The following PTPRN2 variants were observed in gnomAD, a reference collection of about 807,000 sequenced individuals.
PTPRN2 encodes protein tyrosine phosphatase receptor type N2.
A neutral mutation model predicts 118.8 loss-of-function variants in PTPRN2; 74 were observed. That is an observed-to-expected ratio of 0.62 (90% CI 0.52 to 0.76). The LOEUF (loss-of-function observed/expected upper bound fraction) is 0.76. Ranked by LOEUF, PTPRN2 falls within the 30% of genes least tolerant of loss-of-function variation. The pLI, the probability that PTPRN2 is intolerant of heterozygous loss-of-function variation, is 0.00. For missense variants in PTPRN2, 1,481 were observed against 1,394.4 expected (o/e 1.06, Z -0.99); for synonymous variants, 641 against 608.0 (o/e 1.05, Z -0.80).
At chr7:158,423,514 CAGA>C in intron 2 of PTPRN2, among the ~76,000 whole-genome samples, 1 of 151,026 alleles carries the variant, frequency 6.6e-6, no homozygotes, top group South Asian at 2.1e-4. Context: ...GAAGAGGTCT[CAGA>C]GATTAGCCCC....
At chr7:158,369,968 G>T (rs922104129) in intron 2 of PTPRN2, among the ~76,000 whole-genome samples, 3 of 152,192 alleles carry the variant, frequency 2.0e-5, no homozygotes, top group Non-Finnish European at 4.4e-5. Flanking sequence ...CGGGCAGGAG[G>T]CCCAGTCAGA....
rs1823020826 is a variant in PTPRN2 at position 158,509,474 on chromosome 7, G to A, written c.113-19689C>T. On this transcript the variant is annotated intron_variant, in intron 1 of 22. Transcript: ENST00000389418. The surrounding 1 kb of genome is among the most constrained non-coding windows in gnomAD (Gnocchi z 4.4). ...TCCTGGCATCAAGTCTGCCATTCAG[G>A]CCACACTGGGACTTGGTGTCCAGTC... is the stretch of plus-strand genomic sequence containing the variant. 6.6e-6 allele frequency among the ~76,000 whole-genome samples: 1 copy of A among 152,190 alleles called. No individual in the cohort carries two copies. The highest frequency in any genetic ancestry group is 2.1e-4 in the South Asian group (1 of 4,832).
At chr7:157,905,910 T>A (rs1017942632) in intron 11 of PTPRN2, among the ~76,000 whole-genome samples, 4 of 152,176 alleles carry the variant, frequency 2.6e-5, no homozygotes, top group African/African-American at 7.2e-5. Flanking sequence ...GCCTGGTTTC[T>A]GGCCGAGCTG....
At chr7:158,037,805 T>C (rs1808189884) in intron 11 of PTPRN2, among the ~76,000 whole-genome samples, 1 of 152,186 alleles carries the variant, frequency 6.6e-6, no homozygotes, top group Non-Finnish European at 1.5e-5. Flanking sequence ...GACATGTAGA[T>C]AATTTGGGGA....
chr7:158,288,430 T>C (rs973805436), intron 3 of PTPRN2, among the ~76,000 whole-genome samples: 2 of 152,200 alleles, frequency 1.3e-5, no homozygotes, highest in African/African-American at 4.8e-5. Flanking sequence ...CTTTGATTCC[T>C]TACTTTCTAT....
At chr7:157,561,992 G>A (rs1346047790) in intron 21 of PTPRN2, among the ~76,000 whole-genome samples, 1 of 152,216 alleles carries the variant, frequency 6.6e-6, no homozygotes, top group Non-Finnish European at 1.5e-5. Flanking sequence ...AGAAGGAATG[G>A]ACCAGTGGGA....
chr7:158,140,794 G>A (rs916012042), intron 6 of PTPRN2, among the ~76,000 whole-genome samples: 89 of 152,292 alleles, frequency 5.8e-4, no homozygotes, highest in African/African-American at 1.8e-3. Flanking sequence ...TGCGCATCTC[G>A]CCGTGTGTAT....
chr7:158,397,872 A>G (rs1658084162), intron 2 of PTPRN2, among the ~76,000 whole-genome samples: 1 of 117,456 alleles, frequency 8.5e-6, no homozygotes, highest in Admixed American at 1.0e-4. Context: ...GCAGGGTGCC[A>G]CGGCCTGACA....
intron 3 of PTPRN2, among the ~76,000 whole-genome samples, chr7:158,281,834 C>T (rs1435499157): frequency 1.3e-5 from 2 of 152,248 alleles, no homozygotes; most frequent in African/African-American, 4.8e-5. Flanking sequence ...AGAATAAACC[C>T]TGCTAGTTCT....
Position 157,690,210 on chromosome 7 carries a change from C to T in PTPRN2, c.1789-7273G>A, listed in dbSNP as rs1007625896. ...TCCAAATCTGTGCGCTCAGAAGGAG[C>T]TGCCCTTTGCCCGCTCCTCCTCACA... is the stretch of plus-strand genomic sequence containing the variant. On this transcript the variant is annotated intron_variant, in intron 12 of 22. Transcript: ENST00000389418. This position sits in a 1 kb window ranked among gnomAD's most constrained non-coding sequence, Gnocchi z 7.1. 6.6e-6 allele frequency among the ~76,000 whole-genome samples: 1 copy of T among 152,204 alleles called. No homozygotes were observed.
At chr7:158,562,103 G>T (rs1375624047) in intron 1 of PTPRN2, among the ~76,000 whole-genome samples, 1 of 152,220 alleles carries the variant, frequency 6.6e-6, no homozygotes, top group Non-Finnish European at 1.5e-5. Context: ...AACTGTAACA[G>T]AATGCCACAG....
At chr7:157,998,589 G>A (rs958106089) in intron 11 of PTPRN2, among the ~76,000 whole-genome samples, 5 of 152,094 alleles carry the variant, frequency 3.3e-5, no homozygotes, top group African/African-American at 9.7e-5. Flanking sequence ...TTAGGAGGCC[G>A]AGGCAAGTGG....
rs1339907709 is a variant in PTPRN2 at position 158,525,001 on chromosome 7, G to A, written c.113-35216C>T. ...ACCTGTGCCAGCATCACTGCCCTTC[G>A]AAGTGTGGCCCCAGCAGCGGTCTCC... On this transcript the variant is annotated intron_variant, in intron 1 of 22. Transcript: ENST00000389418. The surrounding 1 kb of genome is among the most constrained non-coding windows in gnomAD (Gnocchi z 4.1). Among the ~76,000 whole-genome samples the A allele has an allele frequency of 1.3e-5, 2 of 152,130 alleles. No individual in the cohort carries two copies. The highest frequency in any genetic ancestry group is 4.8e-5 in the African/African-American group (2 of 41,420).
chr7:157,876,949 C>G (rs939172477), intron 12 of PTPRN2, among the ~76,000 whole-genome samples: 2 of 152,188 alleles, frequency 1.3e-5, no homozygotes, highest in Non-Finnish European at 2.9e-5. Flanking sequence ...TGGACGGCCT[C>G]GCTAGCCTTT....
chr7:158,514,908 G>A (rs981962708), intron 1 of PTPRN2, among the ~76,000 whole-genome samples: 3 of 152,102 alleles, frequency 2.0e-5, no homozygotes, highest in Non-Finnish European at 2.9e-5. Context: ...TCCTGGACCC[G>A]CTCTCTCAGG....
Position 158,376,706 on chromosome 7 carries a change from G to T in PTPRN2, c.164-59774C>A, listed in dbSNP as rs112346275. Among the ~76,000 whole-genome samples, 181 of 120,960 alleles carry T rather than the reference G, an allele frequency of 1.5e-3. 1 individual carries two copies. The highest frequency in any genetic ancestry group is 5.9e-3 in the African/African-American group (169 of 28,614). 79.4% of individuals were successfully genotyped at this position (120,960 alleles called of 152,430 possible). On this transcript the variant is annotated intron_variant, in intron 2 of 22. Transcript: ENST00000389418. ...CAGCCCTGTCACACGTCCTGCACGC[G>T]GGGTCAGGGGACTCTCCCACAGCCC...
At chr7:157,897,371 G>C (rs1797190998) in intron 12 of PTPRN2, among the ~76,000 whole-genome samples, 1 of 152,162 alleles carries the variant, frequency 6.6e-6, no homozygotes. Flanking sequence ...GTGGGATGCA[G>C]GTGGCTCTCG....
rs114631658 is a variant in PTPRN2 at position 157,973,817 on chromosome 7, C to T, written c.1724-75080G>A. 9.2e-3 allele frequency among the ~76,000 whole-genome samples: 1,397 copies of T among 152,290 alleles called. 32 individuals are homozygous for T. Among genetic ancestry groups the T allele is most frequent in the African/African-American group, 0.031 (1,304 of 41,548 alleles). On this transcript the variant is annotated intron_variant, in intron 11 of 22. Transcript: ENST00000389418. ...TAAATAGCATGCTTTTAGAAGACCA[C>T]GCGGCATGGAAAGCAGTCTCTAGCG...
At position 157,671,621 on chromosome 7, in the gene PTPRN2, T is replaced by C. The variant is rs2150781632; in HGVS notation, c.2001+11104A>G. On this transcript the variant is annotated intron_variant, in intron 13 of 22. Transcript: ENST00000389418. This position sits in a 1 kb window ranked among gnomAD's most constrained non-coding sequence, Gnocchi z 4.1. ...AAGGTATTCACATCCTTCCATTCGG[T>C]GGCCACCACAGCTTAATTAAGCCAA... 6.6e-6 allele frequency among the ~76,000 whole-genome samples: 1 copy of C among 152,192 alleles called. No homozygotes were observed. The highest frequency in any genetic ancestry group is 2.4e-5 in the African/African-American group (1 of 41,528).
Sources: allele counts gnomAD v4.1 joint callset (sites outside exome capture counted in the v4.1 genomes callset), GRCh38; gene constraint gnomAD v4.1.1; non-coding constraint Gnocchi (gnomAD v3.1); transcripts MANE v1.5; gene names NCBI Gene and HGNC (gene_info 2026-07-23, HGNC 2026-07-21).